BACE1: variants seen among roughly 807,000 people sequenced by gnomAD.
BACE1 encodes the protein APP beta-secretase.
A neutral mutation model predicts 54.0 loss-of-function variants in BACE1; 21 were observed. The ratio of observed to expected loss-of-function variants is 0.39; its 90% CI spans 0.28 to 0.56. The LOEUF is 0.56. Among genes scored for constraint, BACE1 ranks in the 20% least tolerant of loss-of-function variants. The pLI, the probability that BACE1 is intolerant of heterozygous loss-of-function variation, is 0.63. For synonymous variants in BACE1, 232 were observed against 260.9 expected, an observed-to-expected ratio of 0.89 and a Z score of 1.07; for missense variants, 511 against 661.2, an observed-to-expected ratio of 0.77 and a Z score of 2.49.
At chr11:117,312,160 G>A (rs2034956916) in intron 1 of BACE1, among the ~76,000 whole-genome samples, 1 of 152,026 alleles carries the variant, frequency 6.6e-6, no homozygotes, top group Admixed American at 6.5e-5. Context: ...GCTCTCTATT[G>A]TCTCCTAAAC....
At chr11:117,295,488 C>T (rs763638780) in intron 2 of BACE1, 141 bp from the exon 3 acceptor site, 1 of 1,536,916 alleles carries the variant, frequency 6.5e-7, no homozygotes, top group Non-Finnish European at 8.7e-7. Context: ...CAAAACATCC[C>T]TAGACTCACC....
At position 117,289,167 on chromosome 11, in the gene BACE1, A is replaced by G. The variant is rs1301394319; in HGVS notation, c.*399T>C. On this transcript the variant is annotated 3_prime_UTR_variant, in exon 9 of 9. Coordinates refer to ENST00000313005, the MANE Select transcript of BACE1 (RefSeq NM_012104.6). ...AGCTTGGTCTCTTCTCTGCCAGGGT[A>G]CCACAGGGACACACGCCAAGGTAAC... 1.4e-5 allele frequency: 3 copies of G among 207,520 alleles called. No homozygotes were observed. Among genetic ancestry groups the G allele is most frequent in the South Asian group, 2.0e-4 (2 of 10,100 alleles). The allele number at this position is 207,520 out of a possible 1,614,324, so 12.9% of individuals were successfully genotyped here.
intron 1 of BACE1, among the ~76,000 whole-genome samples, chr11:117,309,418 C>T (rs1364462804): frequency 6.6e-6 from 1 of 152,220 alleles, no homozygotes; most frequent in East Asian, 1.9e-4. Flanking sequence ...AGTGCTCCTC[C>T]TCACCACTCT....
chr11:117,305,811 G>T (rs1044033021), intron 1 of BACE1, among the ~76,000 whole-genome samples: 1 of 152,076 alleles, frequency 6.6e-6, no homozygotes, highest in Non-Finnish European at 1.5e-5. Flanking sequence ...CGAGGCGGAC[G>T]GATCACAAAG....
intron 1 of BACE1, among the ~76,000 whole-genome samples, chr11:117,297,623 A>AC (rs11456029): frequency 0.12 from 18,838 of 150,780 alleles, 1,319 homozygotes; most frequent in East Asian, 0.17. Flanking sequence ...CTCAACAACA[A>AC]AAAAAAAAGG....
intron 1 of BACE1, among the ~76,000 whole-genome samples, chr11:117,310,678 C>G (rs993396345): frequency 1.3e-5 from 2 of 152,038 alleles, no homozygotes; most frequent in African/African-American, 4.8e-5. Context: ...GCCTCAGCCT[C>G]CCAAAGTGCT....
In BACE1 at chr11:117,285,749, A is replaced by G. The variant is rs2134430295; in HGVS notation, c.*3817T>C. 6.6e-6 allele frequency: 1 copy of G among 152,482 alleles called. No homozygotes were observed. Among genetic ancestry groups the G allele is most frequent in the African/African-American group, 2.4e-5 (1 of 41,582 alleles). The allele number at this position is 152,482 out of a possible 1,614,324, so 9.4% of individuals were successfully genotyped here. Reference sequence around the variant, plus strand: ...GTGTTAACGCTCATTATTTATACAGACATTAGGTTTACAGAATATTCTGTT... The same window carrying G: ...GTGTTAACGCTCATTATTTATACAGGCATTAGGTTTACAGAATATTCTGTT... On this transcript the variant is annotated 3_prime_UTR_variant, in exon 9 of 9. Coordinates refer to ENST00000313005, the MANE Select transcript of BACE1 (RefSeq NM_012104.6).
At chr11:117,291,937 A>G (rs2034451897) in intron 5 of BACE1, 124 bp from the exon 6 acceptor site, 2 of 596,818 alleles carry the variant, frequency 3.4e-6, no homozygotes, top group Non-Finnish European at 6.2e-6. Context: ...TCCTAAGTGT[A>G]CCTGCTTGGA....
At chr11:117,291,137 C>A (rs1434475408) in intron 6 of BACE1, 88 bp from the exon 7 acceptor site, 4 of 1,493,742 alleles carry the variant, frequency 2.7e-6, no homozygotes, top group Non-Finnish European at 3.6e-6. Context: ...CTGGGCCCTT[C>A]ATTTGCTTTT....
In BACE1 at chr11:117,287,488, TA is replaced by T. The variant is rs1221994584; in HGVS notation, c.*2077del. 6.6e-6 allele frequency: 1 copy of T among 152,562 alleles called. No individual in the cohort carries two copies. Among genetic ancestry groups the T allele is most frequent in the Admixed American group, 6.5e-5 (1 of 15,276 alleles). 9.5% of individuals were successfully genotyped at this position (152,562 alleles called of 1,614,324 possible). A position where few individuals can be genotyped will look rare whatever the true frequency, so the allele number is the denominator to read the frequency against. ...TTATAATTTTGGGGCAGGAAGGAAG[TA>T]ACTGTAAAAAGAAAAACAAGTGCAA... is the stretch of plus-strand genomic sequence containing the variant. On this transcript the variant is annotated 3_prime_UTR_variant, in exon 9 of 9. Transcript: ENST00000313005.
chr11:117,311,302 G>A (rs920380328), intron 1 of BACE1, among the ~76,000 whole-genome samples: 2 of 152,088 alleles, frequency 1.3e-5, no homozygotes, highest in Admixed American at 1.3e-4. Flanking sequence ...CTCCAGCCTG[G>A]GCAACAGAGA....
chr11:117,306,737 G>C (rs547320671), intron 1 of BACE1, among the ~76,000 whole-genome samples: 17 of 152,278 alleles, frequency 1.1e-4, no homozygotes. Flanking sequence ...CTTGAACCCA[G>C]GAGGTGGAGG....
chr11:117,295,826 G>A (rs600314), intron 2 of BACE1, among the ~76,000 whole-genome samples: 4 of 152,308 alleles, frequency 2.6e-5, no homozygotes, highest in African/African-American at 9.6e-5. Flanking sequence ...TAGAGAAGGG[G>A]TTTGTTCAAG....
intron 1 of BACE1, among the ~76,000 whole-genome samples, chr11:117,311,075 T>A (rs2034934986): frequency 6.6e-6 from 1 of 152,012 alleles, no homozygotes; most frequent in Non-Finnish European, 1.5e-5. Flanking sequence ...GTAAAGACCT[T>A]TTATATATTG....
Position 117,289,766 on chromosome 11 carries a change from C to T in BACE1, c.1306G>A (p.Val436Ile). Reference protein sequence around the residue: ...FRTAAVEGPFVTLDMEDCGYN... With the variant: ...FRTAAVEGPFITLDMEDCGYN... ...CCACAGTCTTCCATGTCCAAGGTGA[C>T]AAAAGGGCCTTCCACCGCTGCCGTC... The change falls in exon 9 of 9, where the codon GTC becomes ATC. Residue 436 changes from valine (V) to isoleucine (I), a missense_variant. Physicochemically the swap from Val to Ile is conservative, Grantham distance 29. Transcript: ENST00000313005. The T allele has an allele frequency of 6.2e-7, 1 of 1,614,200 alleles. No homozygotes were observed. Among genetic ancestry groups the T allele is most frequent in the East Asian group, 2.2e-5 (1 of 44,886 alleles).
rs552643759 is a variant in BACE1 at position 117,299,057 on chromosome 11, C to T, written c.262-2096G>A. ...CTGACCTCAGGTGATCCACCTGCCTCGGCCTCCCAAAGTGCTGAGGCGTGA... is the reference window on the plus strand; with the variant it reads ...CTGACCTCAGGTGATCCACCTGCCTTGGCCTCCCAAAGTGCTGAGGCGTGA... On this transcript the variant is annotated intron_variant, in intron 1 of 8. Coordinates refer to ENST00000313005, the MANE Select transcript of BACE1 (RefSeq NM_012104.6). Among the ~76,000 whole-genome samples the T allele has an allele frequency of 3.9e-5, 6 of 152,232 alleles. No homozygotes were observed. The South Asian group carries it at 8.3e-4, about 21-fold the overall frequency.
In BACE1 at chr11:117,286,932, C is replaced by T. The variant is rs1295054853; in HGVS notation, c.*2634G>A. The T allele has an allele frequency of 6.6e-6, 1 of 152,490 alleles. No individual in the cohort carries two copies. Among genetic ancestry groups the T allele is most frequent in the Non-Finnish European group, 1.5e-5 (1 of 68,014 alleles). The allele number at this position is 152,490 out of a possible 1,614,324, so 9.4% of individuals were successfully genotyped here. A position where few individuals can be genotyped will look rare whatever the true frequency, so the allele number is the denominator to read the frequency against. On this transcript the variant is annotated 3_prime_UTR_variant, in exon 9 of 9. Transcript: ENST00000313005. ...TATTGTTCTTTTTGTTTAGGGGATT[C>T]GTTTTTTATCTTGTAATCTTAAGAT...
At chr11:117,303,282 A>C (rs891428144) in intron 1 of BACE1, among the ~76,000 whole-genome samples, 3 of 152,172 alleles carry the variant, frequency 2.0e-5, no homozygotes, top group Non-Finnish European at 4.4e-5. Flanking sequence ...ACAGATGCCC[A>C]GGGAGCTGCA....
intron 2 of BACE1, chr11:117,295,567 A>G (rs1322090221): frequency 4.6e-6 from 7 of 1,535,388 alleles, no homozygotes; most frequent in African/African-American, 2.7e-5. Context: ...TTGCTCTCCT[A>G]TCTATTGCTC....
Sources: allele counts gnomAD v4.1 joint callset (sites outside exome capture counted in the v4.1 genomes callset), GRCh38; gene constraint gnomAD v4.1.1; transcripts MANE v1.5; gene names NCBI Gene and HGNC (gene_info 2026-07-23, HGNC 2026-07-21).